The following SPATS1 variants were observed in gnomAD, a reference collection of about 807,000 sequenced individuals.
The protein encoded by SPATS1 is spermatogenesis-associated serine-rich protein 1.
In SPATS1, 23 loss-of-function variants were observed where a neutral mutation model predicts 33.6. The ratio of observed to expected loss-of-function variants is 0.68; its 90% CI spans 0.49 to 0.97. The LOEUF is 0.97. Among genes scored for constraint, SPATS1 ranks in the 50% least tolerant of loss-of-function variants. The pLI is 0.00. For missense variants in SPATS1, 327 were observed against 361.0 expected (o/e 0.91, Z 0.76); for synonymous variants, 131 against 125.6 (o/e 1.04, Z -0.29).
Position 44,378,404 on chromosome 6 carries a change from A to C in SPATS1, c.*1341A>C, listed in dbSNP as rs1484893150. ...CATGCTGAGACTCCACATGTCTATGACATGAGCATGATTTATTTCCCAAAA... is the reference window on the plus strand; with the variant it reads ...CATGCTGAGACTCCACATGTCTATGCCATGAGCATGATTTATTTCCCAAAA... On this transcript the variant is annotated 3_prime_UTR_variant, in exon 9 of 9. Coordinates refer to ENST00000674044, the MANE Select transcript of SPATS1 (RefSeq NM_001372081.1). 6.6e-6 allele frequency: 1 copy of C among 152,142 alleles called. No homozygotes were observed. The highest frequency in any genetic ancestry group is 1.5e-5 in the Non-Finnish European group (1 of 68,062). 9.4% of individuals were successfully genotyped at this position (152,142 alleles called of 1,614,324 possible). A position where few individuals can be genotyped will look rare whatever the true frequency, so the allele number is the denominator to read the frequency against.
At chr6:44,366,128 T>TA (rs11434378) in intron 5 of SPATS1, among the ~76,000 whole-genome samples, 89,670 of 119,734 alleles carry the variant, frequency 0.75, 32,526 homozygotes, top group Non-Finnish European at 0.85. Flanking sequence ...TATATATATA[T>TA]TTTTTTTTTT....
chr6:44,360,733 C>A (rs1180756502), intron 4 of SPATS1, among the ~76,000 whole-genome samples, 163 bp downstream of exon 4: 1 of 151,998 alleles, frequency 6.6e-6, no homozygotes, highest in East Asian at 1.9e-4. Flanking sequence ...ATATGTTTTT[C>A]AAAAATAAAA....
At chr6:44,354,032 C>T (rs1475817720) in intron 3 of SPATS1, among the ~76,000 whole-genome samples, 1 of 106,274 alleles carries the variant, frequency 9.4e-6, no homozygotes, top group Non-Finnish European at 2.0e-5. Context: ...AGCGAGACTT[C>T]GCCTCAAAAA....
At position 44,368,395 on chromosome 6, in the gene SPATS1, T is replaced by A; in HGVS notation, c.591T>A (p.Asn197Lys). ...TCTCCACAGATATTGATCCCAGGAA[T>A]GGAATCCCAAAGTTAACTCCAGGCG... is the stretch of plus-strand genomic sequence containing the variant. ...GRKKYDIDPR[N>K]GIPKLTPGDN... The change falls in exon 6 of 9, where the codon AAT (asparagine) becomes AAA (lysine). Residue 197 changes from asparagine to lysine, a missense_variant. Physicochemically the swap from Asn to Lys is moderately conservative, Grantham distance 94. Transcript: ENST00000674044. 1 of 1,613,422 alleles carries A rather than the reference T, an allele frequency of 6.2e-7. No individual in the cohort carries two copies. Among genetic ancestry groups the A allele is most frequent in the Non-Finnish European group, 8.5e-7 (1 of 1,179,716 alleles).
intron 8 of SPATS1, among the ~76,000 whole-genome samples, 155 bp downstream of exon 8, chr6:44,376,628 C>T (rs535009716): frequency 3.3e-5 from 5 of 152,082 alleles, no homozygotes; most frequent in Admixed American, 1.3e-4. Context: ...GGTGAAACCC[C>T]GTCTCTACTA....
At chr6:44,368,938 C>T (rs1789413995) in intron 6 of SPATS1, among the ~76,000 whole-genome samples, 1 of 151,078 alleles carries the variant, frequency 6.6e-6, no homozygotes, top group Non-Finnish European at 1.5e-5. Context: ...GCTCCGTCGC[C>T]CTGGCTGGAG....
chr6:44,377,360 AG>A lies in SPATS1; in HGVS notation c.*298del. Reference sequence around the variant, plus strand: ...CATTTTGCTGAACTCTTTGAGAGTGAGTGGCAGATATTGTAACCCTTTACAC... The same window carrying A: ...CATTTTGCTGAACTCTTTGAGAGTGATGGCAGATATTGTAACCCTTTACAC... On this transcript the variant is annotated 3_prime_UTR_variant, in exon 9 of 9. Transcript: ENST00000674044. The A allele has an allele frequency of 2.1e-6, 1 of 475,454 alleles. No individual in the cohort carries two copies. The highest frequency in any genetic ancestry group is 2.0e-5 in the African/African-American group (1 of 51,090). The allele number at this position is 475,454 out of a possible 1,614,324, so 29.5% of individuals were successfully genotyped here.
chr6:44,362,860 C>T (rs1480489775), intron 5 of SPATS1, among the ~76,000 whole-genome samples: 1 of 150,642 alleles, frequency 6.6e-6, no homozygotes, highest in African/African-American at 2.4e-5. Flanking sequence ...TTTTTTGAGA[C>T]GGAGTTTCGC....
rs368940680 is a variant in SPATS1 at position 44,343,273 on chromosome 6, C to T, written c.139+39C>T. ...AAATCCAGGCTGTGGAGTTGGTGGC[C>T]ACATCCAAGTATACTACACCCGGGG... On this transcript the variant is annotated intron_variant, in intron 2 of 8. Coordinates refer to ENST00000674044, the MANE Select transcript of SPATS1 (RefSeq NM_001372081.1). 1.1e-5 allele frequency: 18 copies of T among 1,609,640 alleles called. No individual in the cohort carries two copies. In the African/African-American group the frequency reaches 2.4e-4, roughly 22 times the overall value.
At chr6:44,368,172 G>T (rs1287448516) in intron 5 of SPATS1, among the ~76,000 whole-genome samples, 3 of 152,182 alleles carry the variant, frequency 2.0e-5, no homozygotes, top group African/African-American at 7.2e-5. Flanking sequence ...GGGTGAGGTA[G>T]TTACAACAAC....
chr6:44,374,235 A>T (rs977085184), intron 7 of SPATS1, among the ~76,000 whole-genome samples: 6 of 152,200 alleles, frequency 3.9e-5, no homozygotes, highest in Non-Finnish European at 1.5e-5. Flanking sequence ...TATACAGAAG[A>T]TTGACTTTAT....
intron 3 of SPATS1, among the ~76,000 whole-genome samples, chr6:44,356,421 C>A (rs1412424042): frequency 6.6e-6 from 1 of 152,202 alleles, no homozygotes; most frequent in Non-Finnish European, 1.5e-5. Flanking sequence ...TTACTTAAAA[C>A]AACAAACATT....
intron 6 of SPATS1, among the ~76,000 whole-genome samples, chr6:44,368,898 A>ATTTT (rs60261813): frequency 7.4e-6 from 1 of 134,554 alleles, no homozygotes. Context: ...GGTGTATTAC[A>ATTTT]TTTTTTTTTT....
At chr6:44,360,690 C>A (rs553780650) in intron 4 of SPATS1, 120 bp downstream of exon 4, 14 of 1,200,072 alleles carry the variant, frequency 1.2e-5, no homozygotes, top group Non-Finnish European at 1.5e-5. Flanking sequence ...TACTTTATCT[C>A]AAAATTCACA....
chr6:44,368,485 A>T lies in SPATS1; in HGVS notation c.681A>T (p.Pro227=), dbSNP rs113812994. The T allele has an allele frequency of 2.3e-3, 3,664 of 1,611,590 alleles. 66 individuals carry two copies. The African/African-American group carries it at 0.038, about 17-fold the overall frequency. The change falls in exon 6 of 9, where the codon CCA becomes CCT. Residue 227 remains proline, a synonymous_variant. Coordinates refer to ENST00000674044, the MANE Select transcript of SPATS1 (RefSeq NM_001372081.1). ...GFHKAGSMLP[P]VNFSIVPYEK... The stretch of plus-strand genomic sequence containing the variant: ...ACAAAGCAGGATCAATGCTCCCACC[A>T]GTGAATTTTTCAATGTAAGTGTATG...
chr6:44,355,861 C>T (rs777833417), intron 3 of SPATS1, among the ~76,000 whole-genome samples: 9 of 152,086 alleles, frequency 5.9e-5, no homozygotes, highest in South Asian at 4.2e-4. Flanking sequence ...AAAGAAAGCC[C>T]GGAATGTGAG....
chr6:44,349,921 T>C (rs980580740), intron 2 of SPATS1, among the ~76,000 whole-genome samples: 1 of 152,212 alleles, frequency 6.6e-6, no homozygotes, highest in Non-Finnish European at 1.5e-5. Context: ...GGTCTATGTA[T>C]TGTTGATACT....
At chr6:44,361,376 G>A (rs1285956932) in intron 4 of SPATS1, 3 of 985,224 alleles carry the variant, frequency 3.0e-6, no homozygotes, top group Non-Finnish European at 3.6e-6. Context: ...TAGCACATGC[G>A]CGTGCTATTG....
chr6:44,355,330 A>G (rs1399216935), intron 3 of SPATS1, among the ~76,000 whole-genome samples: 1 of 152,142 alleles, frequency 6.6e-6, no homozygotes, highest in Non-Finnish European at 1.5e-5. Flanking sequence ...TTCACCACTT[A>G]ATAGCTCATT....
Sources: allele counts gnomAD v4.1 joint callset (sites outside exome capture counted in the v4.1 genomes callset), GRCh38; gene constraint gnomAD v4.1.1; transcripts MANE v1.5; gene names NCBI Gene and HGNC (gene_info 2026-07-23, HGNC 2026-07-21).